The following CNTN5 variants were observed in gnomAD, a reference collection of about 807,000 sequenced individuals.
The protein encoded by CNTN5 is contactin 5.
In CNTN5, 77 loss-of-function variants were observed where a neutral mutation model predicts 129.1. The observed-to-expected ratio is 0.60, with a 90% CI of 0.50 to 0.72. The LOEUF is 0.72. CNTN5 is among the 30% of genes least tolerant of loss of function. The pLI, the probability that CNTN5 is intolerant of heterozygous loss-of-function variation, is 0.00. For synonymous variants in CNTN5, 509 were observed against 465.6 expected (o/e 1.09, Z -1.20); for missense variants, 1,478 against 1,328.8 (o/e 1.11, Z -1.75).
intron 1 of CNTN5, among the ~76,000 whole-genome samples, chr11:99,167,988 T>G (rs1177618270): frequency 4.0e-5 from 6 of 151,794 alleles, no homozygotes; most frequent in Non-Finnish European, 2.9e-5. Flanking sequence ...CAGGCTGGAG[T>G]GCAGTGATGT....
chr11:99,582,472 A>G (rs1340717974), intron 3 of CNTN5, among the ~76,000 whole-genome samples: 1 of 152,096 alleles, frequency 6.6e-6, no homozygotes, highest in African/African-American at 2.4e-5. Context: ...CCAATTAGAC[A>G]TAGATTTTGT....
At chr11:99,709,056 C>G (rs1954865597) in intron 3 of CNTN5, among the ~76,000 whole-genome samples, 1 of 151,806 alleles carries the variant, frequency 6.6e-6, no homozygotes, top group South Asian at 2.1e-4. Flanking sequence ...CACATTTTTA[C>G]TGTTGTCTAA....
chr11:99,523,197 C>T (rs2135444686), intron 2 of CNTN5, among the ~76,000 whole-genome samples: 1 of 152,282 alleles, frequency 6.6e-6, no homozygotes, highest in African/African-American at 2.4e-5. Flanking sequence ...TGACACTCTT[C>T]CTTTGTGTCA....
intron 6 of CNTN5, among the ~76,000 whole-genome samples, chr11:99,905,849 C>G (rs12222647): frequency 0.071 from 10,859 of 152,134 alleles, 701 homozygotes; most frequent in East Asian, 0.28. Flanking sequence ...TTGAAACGGT[C>G]CTTCACATCC....
chr11:99,882,157 T>C (rs1948787507), intron 6 of CNTN5, among the ~76,000 whole-genome samples: 1 of 152,180 alleles, frequency 6.6e-6, no homozygotes, highest in African/African-American at 2.4e-5. Flanking sequence ...TGAAAATAAG[T>C]TTAATTGTAA....
chr11:100,292,732 T>A (rs574104649), intron 18 of CNTN5, among the ~76,000 whole-genome samples: 10 of 151,980 alleles, frequency 6.6e-5, no homozygotes, highest in African/African-American at 2.2e-4. Context: ...TACTTGTGCA[T>A]GTATGTATAT....
At chr11:99,501,274 C>T (rs1373133749) in intron 2 of CNTN5, among the ~76,000 whole-genome samples, 3 of 152,106 alleles carry the variant, frequency 2.0e-5, no homozygotes, top group Admixed American at 1.3e-4. Flanking sequence ...CAGCAATTGG[C>T]TTTATAGTAA....
chr11:100,168,431 A>G (rs1049691000), intron 13 of CNTN5, among the ~76,000 whole-genome samples: 4 of 151,984 alleles, frequency 2.6e-5, no homozygotes, highest in African/African-American at 9.7e-5. Flanking sequence ...TAATACTCCA[A>G]AAATTGTAGG....
At chr11:99,174,729 A>G (rs1166204710) in intron 1 of CNTN5, among the ~76,000 whole-genome samples, 1 of 152,006 alleles carries the variant, frequency 6.6e-6, no homozygotes, top group African/African-American at 2.4e-5. Context: ...TATTATTTAA[A>G]TACTATCCAT....
intron 2 of CNTN5, among the ~76,000 whole-genome samples, chr11:99,544,033 A>C (rs1048725742): frequency 2.0e-5 from 3 of 152,122 alleles, no homozygotes; most frequent in African/African-American, 7.2e-5. Context: ...GCTGTTAAGA[A>C]TACCTGAAGT....
rs116764642 is a variant in CNTN5, at chr11:100,196,455, G to T, written c.1884+2792G>T. Among the ~76,000 whole-genome samples the T allele has an allele frequency of 5.3e-3, 809 of 151,842 alleles. 8 individuals are homozygous for T. Among genetic ancestry groups the T allele is most frequent in the African/African-American group, 0.018 (760 of 41,414 alleles). ...AATCTCTAGTCAATTATTTTATGTA[G>T]CCTTCATATACAATCTATATACAAT... On this transcript the variant is annotated intron_variant, in intron 15 of 24. Coordinates refer to ENST00000524871, the MANE Select transcript of CNTN5 (RefSeq NM_014361.4).
At chr11:100,160,429 T>C (rs1947408423) in intron 13 of CNTN5, among the ~76,000 whole-genome samples, 1 of 151,980 alleles carries the variant, frequency 6.6e-6, no homozygotes, top group Non-Finnish European at 1.5e-5. Flanking sequence ...CCGTTGGGTA[T>C]ATACCCAGTA....
At chr11:99,449,969 A>T (rs1944232006) in intron 2 of CNTN5, among the ~76,000 whole-genome samples, 1 of 152,124 alleles carries the variant, frequency 6.6e-6, no homozygotes, top group African/African-American at 2.4e-5. Flanking sequence ...ACAATTCTGG[A>T]AGGGACAGTA....
chr11:99,979,637 C>G lies in CNTN5; in HGVS notation c.878-22397C>G, dbSNP rs1938211689. Among the ~76,000 whole-genome samples the G allele has an allele frequency of 2.0e-5, 3 of 152,224 alleles. No homozygotes were observed. The South Asian group carries it at 6.2e-4, about 32-fold the overall frequency. On this transcript the variant is annotated intron_variant, in intron 8 of 24. Transcript: ENST00000524871. ...TCCTATGTCCTAGTACCCAAAATAACTATGTTAGTGGTATGAACTGAGTTC... is the reference window on the plus strand; with the variant it reads ...TCCTATGTCCTAGTACCCAAAATAAGTATGTTAGTGGTATGAACTGAGTTC...
chr11:99,712,750 G>T (rs773942161), intron 3 of CNTN5, among the ~76,000 whole-genome samples: 40 of 151,936 alleles, frequency 2.6e-4, no homozygotes, highest in Non-Finnish European at 4.3e-4. Flanking sequence ...TTTCCCTATT[G>T]CTTGTTTTTG....
At chr11:99,908,165 C>T (rs1949560481) in intron 6 of CNTN5, among the ~76,000 whole-genome samples, 1 of 151,780 alleles carries the variant, frequency 6.6e-6, no homozygotes, top group African/African-American at 2.4e-5. Context: ...GCAGATAGTC[C>T]AATTTAACAA....
intron 3 of CNTN5, among the ~76,000 whole-genome samples, chr11:99,701,811 A>G (rs898297979): frequency 1.3e-5 from 2 of 151,098 alleles, no homozygotes; most frequent in Non-Finnish European, 3.0e-5. Flanking sequence ...AACTATGAAG[A>G]TGATTCATAG....
rs191862545 is a variant in CNTN5, at chr11:100,313,767, T to C, written c.2730+5299T>C. ...CTGCTGTGTCCTGGCACACTCAGCA[T>C]TTAGAAGTTGAGCTGAAGAGGAAGA... On this transcript the variant is annotated intron_variant, in intron 21 of 24. Transcript: ENST00000524871. Among the ~76,000 whole-genome samples the C allele has an allele frequency of 8.5e-4, 129 of 152,072 alleles. 1 individual carries two copies. The highest frequency in any genetic ancestry group is 2.4e-4 in the Non-Finnish European group (16 of 67,958).
intron 13 of CNTN5, among the ~76,000 whole-genome samples, chr11:100,102,861 A>G (rs1219844048): frequency 6.6e-6 from 1 of 152,148 alleles, no homozygotes; most frequent in Non-Finnish European, 1.5e-5. Context: ...TAATGTGATT[A>G]AGAGAAATGG....
Sources: gnomAD v4.1 joint callset for allele counts (sites outside exome capture counted in the v4.1 genomes callset) on GRCh38, gnomAD v4.1.1 for gene constraint, MANE v1.5 for transcripts, NCBI Gene and HGNC (gene_info 2026-07-23, HGNC 2026-07-21) for gene names.